Variants in TENM3 observed in about 807,000 individuals in gnomAD.
The protein encoded by TENM3 is teneurin transmembrane protein 3.
A neutral mutation model predicts 255.1 loss-of-function variants in TENM3; 63 were observed. That is an observed-to-expected ratio of 0.25 (90% CI 0.20 to 0.30). TENM3 has a LOEUF of 0.30. Among genes scored for constraint, TENM3 ranks in the 10% least tolerant of loss-of-function variants. The probability of loss-of-function intolerance (pLI) is 1.00; values close to 1 mark genes in which losing one functional copy is unlikely to be tolerated. For synonymous variants in TENM3, 1,306 were observed against 1,322.3 expected (o/e 0.99, Z 0.27); for missense variants, 2,929 against 3,461.1 (o/e 0.85, Z 3.86).
chr4:181,629,850 A>G, the TENM3 span, among the ~76,000 whole-genome samples: 1 of 152,222 alleles, frequency 6.6e-6, no homozygotes, highest in Admixed American at 6.5e-5. Context: ...TGCCGACCTC[A>G]TAAAATGAGT....
In TENM3 at chr4:182,557,925, C is replaced by T. The variant is rs572237275; in HGVS notation, c.512-42999C>T. ...GAACTATCAAAATGTCTAACCTGCC[C>T]GTTACTCAGTTGCAGTCCTAGTTTA... On this transcript the variant is annotated intron_variant, in intron 3 of 27. Coordinates refer to ENST00000511685, the MANE Select transcript of TENM3 (RefSeq NM_001080477.4). Among the ~76,000 whole-genome samples the T allele has an allele frequency of 2.1e-3, 315 of 152,258 alleles. 12 individuals carry two copies. The South Asian group carries it at 0.062, about 30-fold the overall frequency.
the TENM3 span, among the ~76,000 whole-genome samples, chr4:181,491,481 A>T: frequency 6.6e-6 from 1 of 151,998 alleles, no homozygotes; most frequent in African/African-American, 2.4e-5. Flanking sequence ...AAAATCTAAG[A>T]CCAGATAATT....
the TENM3 span, among the ~76,000 whole-genome samples, chr4:181,539,994 A>G: frequency 0.045 from 6,805 of 152,264 alleles, 226 homozygotes; most frequent in South Asian, 0.15. Flanking sequence ...AAAGGAACCA[A>G]AGCTCCTGGG....
intron 22 of TENM3, among the ~76,000 whole-genome samples, chr4:182,756,524 T>A (rs2152757462): frequency 6.6e-6 from 1 of 152,266 alleles, no homozygotes; most frequent in African/African-American, 2.4e-5. Flanking sequence ...AAACGCAAAA[T>A]AGTCTTTGAA....
intron 1 of TENM3, among the ~76,000 whole-genome samples, chr4:182,284,222 G>A (rs571441950): frequency 4.6e-5 from 7 of 152,138 alleles, no homozygotes; most frequent in Non-Finnish European, 7.4e-5. Flanking sequence ...ATGAAAACGA[G>A]TGCATGAAAT....
chr4:182,518,033 C>A (rs1016011905), intron 3 of TENM3, among the ~76,000 whole-genome samples: 1 of 152,096 alleles, frequency 6.6e-6, no homozygotes, highest in Admixed American at 6.5e-5. Context: ...TTTTCTTGAT[C>A]TTTTTCCTTC....
chr4:181,860,155 A>G, the TENM3 span, among the ~76,000 whole-genome samples: 1 of 152,210 alleles, frequency 6.6e-6, no homozygotes, highest in East Asian at 1.9e-4. Context: ...TACACACTCT[A>G]TAAGCAAAAG....
rs1764460848 is a variant in TENM3, at chr4:182,773,769, G to C, written c.5068+122G>C. On this transcript the variant is annotated intron_variant, in intron 23 of 27. Coordinates refer to ENST00000511685, the MANE Select transcript of TENM3 (RefSeq NM_001080477.4). ...AAAATGTAAACCTCTAGAAATATTG[G>C]TGACATAATCTACAGTGTACATGTA... 11 of 817,820 alleles carry C rather than the reference G, an allele frequency of 1.3e-5. No individual in the cohort carries two copies. The South Asian group carries it at 2.0e-4, about 15-fold the overall frequency. The allele number at this position is 817,820 out of a possible 1,614,324, so 50.7% of individuals were successfully genotyped here.
At chr4:182,449,833 A>G (rs974116339) in intron 3 of TENM3, among the ~76,000 whole-genome samples, 1 of 152,210 alleles carries the variant, frequency 6.6e-6, no homozygotes, top group Non-Finnish European at 1.5e-5. Flanking sequence ...CTGTGCAAAG[A>G]TAGTTGGAGA....
At chr4:182,567,773 G>C (rs2137952) in intron 3 of TENM3, among the ~76,000 whole-genome samples, 95,052 of 146,966 alleles carry the variant, frequency 0.65, 33,040 homozygotes, top group Non-Finnish European at 0.78. Flanking sequence ...CAGTTACTGT[G>C]TATCAAGTTA....
chr4:182,649,728 G>A (rs970710425), intron 5 of TENM3, among the ~76,000 whole-genome samples: 9 of 150,324 alleles, frequency 6.0e-5, no homozygotes, highest in South Asian at 2.2e-4. Flanking sequence ...AAAGTGCTGC[G>A]TAGAATGGTG....
chr4:182,727,327 G>T (rs1459434934), intron 13 of TENM3, among the ~76,000 whole-genome samples: 1 of 151,936 alleles, frequency 6.6e-6, no homozygotes, highest in Non-Finnish European at 1.5e-5. Flanking sequence ...ATGGTGGCAG[G>T]TGCCTTTAGT....
intron 27 of TENM3, among the ~76,000 whole-genome samples, chr4:182,797,214 C>T (rs1235889667): frequency 6.6e-6 from 1 of 152,026 alleles, no homozygotes; most frequent in Non-Finnish European, 1.5e-5. Context: ...CCGAGGAGGT[C>T]GGATCACCTG....
the TENM3 span, among the ~76,000 whole-genome samples, chr4:182,098,963 CTTTTTTTTT>C: frequency 7.6e-6 from 1 of 131,230 alleles, no homozygotes; most frequent in Non-Finnish European, 1.6e-5. Flanking sequence ...CTCTTTTTTT[CTTTTTTTTT>C]TTTTTTTTGG....
the TENM3 span, among the ~76,000 whole-genome samples, chr4:181,730,004 A>G: frequency 6.6e-6 from 1 of 152,194 alleles, no homozygotes; most frequent in Non-Finnish European, 1.5e-5. Flanking sequence ...CAAGCCAGGA[A>G]GAGACAGTCT....
the TENM3 span, among the ~76,000 whole-genome samples, chr4:182,025,585 T>C: frequency 4.7e-4 from 71 of 152,304 alleles, no homozygotes; most frequent in African/African-American, 1.6e-3. Context: ...TTTAGTTTTT[T>C]GAGGCAGTTC....
chr4:181,952,619 A>G, the TENM3 span, among the ~76,000 whole-genome samples: 7 of 152,232 alleles, frequency 4.6e-5, no homozygotes, highest in Non-Finnish European at 5.9e-5. Flanking sequence ...AGAAGATATA[A>G]TGACTCAGAC....
the TENM3 span, among the ~76,000 whole-genome samples, chr4:181,965,206 A>G: frequency 6.6e-6 from 1 of 152,176 alleles, no homozygotes; most frequent in African/African-American, 2.4e-5. Context: ...CTTCCTCCTT[A>G]TTTTAAAAAA....
chr4:182,492,498 T>G (rs533067860), intron 3 of TENM3, among the ~76,000 whole-genome samples: 1 of 152,294 alleles, frequency 6.6e-6, no homozygotes, highest in African/African-American at 2.4e-5. Flanking sequence ...GGAAGTAATA[T>G]TCATGTCAGT....
Sources: allele counts gnomAD v4.1 joint callset (sites outside exome capture counted in the v4.1 genomes callset), GRCh38; gene constraint gnomAD v4.1.1; transcripts MANE v1.5; gene names NCBI Gene and HGNC (gene_info 2026-07-23, HGNC 2026-07-21).